PTPN14: variants seen among roughly 807,000 people sequenced by gnomAD.
PTPN14 encodes the protein protein tyrosine phosphatase non-receptor type 14.
In PTPN14, 53 loss-of-function variants were observed where a neutral mutation model predicts 126.8. That is an observed-to-expected ratio of 0.42 (90% CI 0.34 to 0.53). PTPN14 has a LOEUF of 0.53. PTPN14 is among the 20% of genes least tolerant of loss of function. PTPN14 has a pLI of 0.08. For synonymous variants in PTPN14, 630 were observed against 599.3 expected (o/e 1.05, Z -0.75); for missense variants, 1,257 against 1,552.9 (o/e 0.81, Z 3.20).
intron 11 of PTPN14, 132 bp from the exon 12 acceptor site, chr1:214,387,054 C>A: frequency 2.8e-6 from 2 of 724,458 alleles, no homozygotes; most frequent in Non-Finnish European, 4.7e-6. Flanking sequence ...TCCCTGCCAC[C>A]CCTTTGACTC....
At chr1:214,461,775 T>C (rs1260368421) in intron 2 of PTPN14, among the ~76,000 whole-genome samples, 1 of 152,206 alleles carries the variant, frequency 6.6e-6, no homozygotes, top group Non-Finnish European at 1.5e-5. Flanking sequence ...GCCACTGCAC[T>C]CCATCTTGTG....
intron 5 of PTPN14, among the ~76,000 whole-genome samples, chr1:214,403,202 G>A (rs909309098): frequency 3.9e-5 from 6 of 152,176 alleles, no homozygotes; most frequent in African/African-American, 1.4e-4. Flanking sequence ...GTTCTGTGGT[G>A]CCAGGGAATA....
At chr1:214,400,862 A>G (rs2102562998) in intron 7 of PTPN14, among the ~76,000 whole-genome samples, 1 of 152,330 alleles carries the variant, frequency 6.6e-6, no homozygotes, top group South Asian at 2.1e-4. Flanking sequence ...GCACATGGGC[A>G]GTTCTCATTA....
chr1:214,509,507 C>T (rs1654920020), intron 1 of PTPN14, among the ~76,000 whole-genome samples: 1 of 152,224 alleles, frequency 6.6e-6, no homozygotes, highest in African/African-American at 2.4e-5. Flanking sequence ...ATCCAGACCA[C>T]TCAATTTTTC....
chr1:214,372,664 C>A (rs754248652), intron 16 of PTPN14, 47 bp downstream of exon 16: 37 of 1,612,778 alleles, frequency 2.3e-5, no homozygotes, highest in Non-Finnish European at 3.1e-5. Context: ...CTTCTGGCCA[C>A]CCTTTCCCCT....
chr1:214,365,782 T>G (rs533012487), intron 17 of PTPN14, among the ~76,000 whole-genome samples: 4 of 152,290 alleles, frequency 2.6e-5, no homozygotes, highest in African/African-American at 9.6e-5. Flanking sequence ...CTACTACTAC[T>G]ACGATGATGA....
chr1:214,474,982 G>A (rs61564456), intron 1 of PTPN14, among the ~76,000 whole-genome samples: 2,144 of 152,228 alleles, frequency 0.014, 54 homozygotes, highest in African/African-American at 0.049. Flanking sequence ...ATAAAATAAT[G>A]TTGTCTGGGA....
At chr1:214,439,085 T>C (rs1659982139) in intron 3 of PTPN14, among the ~76,000 whole-genome samples, 1 of 152,244 alleles carries the variant, frequency 6.6e-6, no homozygotes, top group Admixed American at 6.5e-5. Context: ...ATGTTCTCCT[T>C]TGTAGTGTTT....
intron 1 of PTPN14, among the ~76,000 whole-genome samples, chr1:214,499,762 T>C (rs1220600097): frequency 6.6e-6 from 1 of 151,606 alleles, no homozygotes; most frequent in East Asian, 1.9e-4. Context: ...ATATTATTTC[T>C]AATTTAAGCA....
At chr1:214,481,960 C>A (rs1322101393) in intron 1 of PTPN14, among the ~76,000 whole-genome samples, 1 of 150,104 alleles carries the variant, frequency 6.7e-6, no homozygotes, top group Non-Finnish European at 1.5e-5. Context: ...GCACTCCAGC[C>A]TGGGTGACAG....
rs906464302 is a variant in PTPN14, at chr1:214,452,332, C to T, written c.175-358G>A. ...GCCTTCTGCATGCTTCATGATCTCACATGGAGCACACTGGCAAAGACCAAC... is the reference window on the plus strand; with the variant it reads ...GCCTTCTGCATGCTTCATGATCTCATATGGAGCACACTGGCAAAGACCAAC... On this transcript the variant is annotated intron_variant, in intron 2 of 18. Transcript: ENST00000366956. 4.6e-5 allele frequency among the ~76,000 whole-genome samples: 7 copies of T among 152,342 alleles called. No homozygotes were observed. In the East Asian group the frequency reaches 1.2e-3, roughly 25 times the overall value.
At chr1:214,493,694 T>C (rs886997576) in intron 1 of PTPN14, among the ~76,000 whole-genome samples, 34 of 152,296 alleles carry the variant, frequency 2.2e-4, no homozygotes, top group Non-Finnish European at 1.9e-4. Context: ...GTGACAATGA[T>C]ACATGCTAAC....
At chr1:214,516,187 A>C (rs904543465) in intron 1 of PTPN14, among the ~76,000 whole-genome samples, 1 of 152,208 alleles carries the variant, frequency 6.6e-6, no homozygotes, top group Admixed American at 6.5e-5. Context: ...TTAAAATAAA[A>C]CAAATTTTTG....
intron 1 of PTPN14, among the ~76,000 whole-genome samples, chr1:214,489,358 C>T (rs1661182250): frequency 6.6e-6 from 1 of 152,160 alleles, no homozygotes; most frequent in South Asian, 2.1e-4. Context: ...CATGCCCTCT[C>T]CCCTTGCCCA....
At position 214,411,648 on chromosome 1, in the gene PTPN14, T is replaced by C. The variant is rs952004801; in HGVS notation, c.510+36A>G. ...GAAAGAACTAAATGTCCAAAGAAGG[T>C]AGAAAATTAATTAAGAAAAATGAAA... is the stretch of plus-strand genomic sequence containing the variant. On this transcript the variant is annotated intron_variant, in intron 5 of 18. Transcript: ENST00000366956. The C allele has an allele frequency of 6.6e-6, 9 of 1,372,240 alleles. No individual in the cohort carries two copies. The African/African-American group carries it at 9.0e-5, about 14-fold the overall frequency. 85.0% of individuals were successfully genotyped at this position (1,372,240 alleles called of 1,614,324 possible). A position where few individuals can be genotyped will look rare whatever the true frequency, so the allele number is the denominator to read the frequency against.
At chr1:214,475,990 A>G (rs1660858633) in intron 1 of PTPN14, among the ~76,000 whole-genome samples, 1 of 152,180 alleles carries the variant, frequency 6.6e-6, no homozygotes, top group African/African-American at 2.4e-5. Context: ...ACATTCTACA[A>G]AAAACAACTA....
At chr1:214,403,148 A>T (rs568347426) in intron 5 of PTPN14, among the ~76,000 whole-genome samples, 195 bp from the exon 6 acceptor site, 2 of 152,204 alleles carry the variant, frequency 1.3e-5, no homozygotes, top group Non-Finnish European at 2.9e-5. Flanking sequence ...ACGGCTCTCC[A>T]TTATAACAGG....
chr1:214,436,299 C>T (rs1167328065), intron 3 of PTPN14, among the ~76,000 whole-genome samples: 1 of 152,098 alleles, frequency 6.6e-6, no homozygotes, highest in Admixed American at 6.6e-5. Context: ...AGGTGCTATG[C>T]TTATTGCCCG....
Position 214,384,857 on chromosome 1 carries a change from C to G in PTPN14, c.1067-69G>C. 1.3e-6 allele frequency: 2 copies of G among 1,508,898 alleles called. No homozygotes were observed. The highest frequency in any genetic ancestry group is 1.8e-6 in the Non-Finnish European group (2 of 1,123,152). The allele number at this position is 1,508,898 out of a possible 1,614,324, so 93.5% of individuals were successfully genotyped here. ...TGCCACAACAAAGTACATCCTCATA[C>G]TCATGAGGTGACTTTTAATTTAAAC... is the stretch of plus-strand genomic sequence containing the variant. On this transcript the variant is annotated intron_variant, in intron 12 of 18. Transcript: ENST00000366956. This position sits in a 1 kb window ranked among gnomAD's most constrained non-coding sequence, Gnocchi z 5.3.
Sources: gnomAD v4.1 joint callset for allele counts (sites outside exome capture counted in the v4.1 genomes callset) on GRCh38, gnomAD v4.1.1 for gene constraint, Gnocchi (gnomAD v3.1) non-coding constraint, MANE v1.5 for transcripts, NCBI Gene and HGNC (gene_info 2026-07-23, HGNC 2026-07-21) for gene names.